CUX1: variants seen among roughly 807,000 people sequenced by gnomAD.
CUX1 encodes cut like homeobox 1.
Under a neutral mutation model 158.8 loss-of-function variants are expected in CUX1, and 31 were observed. The ratio of observed to expected loss-of-function variants is 0.20; its 90% CI spans 0.15 to 0.26. CUX1 has a LOEUF of 0.26. Among genes scored for constraint, CUX1 ranks in the 10% least tolerant of loss-of-function variants. CUX1 has a pLI of 1.00. For synonymous variants in CUX1, 879 were observed against 862.1 expected (o/e 1.02, Z -0.34); for missense variants, 1,589 against 2,014.6 (o/e 0.79, Z 4.04).
exon 18 of CUX1, chr7:102,277,998 A>G (rs1554548130): frequency 6.5e-7 from 1 of 1,534,624 alleles, no homozygotes; most frequent in South Asian, 1.1e-5. Context: ...AGTGAGCTGG[A>G]CAGCCTGCGC....
intron 3 of CUX1, among the ~76,000 whole-genome samples, chr7:102,035,876 A>T (rs1409130536): frequency 6.6e-6 from 1 of 151,622 alleles, no homozygotes; most frequent in African/African-American, 2.4e-5. Flanking sequence ...TCCCAACAAA[A>T]TTTTTTTTGT....
At chr7:102,065,876 C>T (rs971050465) in intron 3 of CUX1, among the ~76,000 whole-genome samples, 1 of 110,638 alleles carries the variant, frequency 9.0e-6, no homozygotes. Flanking sequence ...CTGCAACCTC[C>T]GCCTCCTGGG....
chr7:102,172,871 G>A (rs1244399220), intron 10 of CUX1, among the ~76,000 whole-genome samples: 1 of 152,186 alleles, frequency 6.6e-6, no homozygotes, highest in African/African-American at 2.4e-5. Flanking sequence ...AGACCGGCCA[G>A]GGCAAAATAT....
At position 102,248,516 on chromosome 7, in the gene CUX1, C is replaced by T; in HGVS notation, c.3992C>T (p.Pro1331Leu). 6.5e-7 allele frequency: 1 copy of T among 1,544,174 alleles called. No individual in the cohort carries two copies. Among genetic ancestry groups the T allele is most frequent in the South Asian group, 1.2e-5 (1 of 85,338 alleles). The change falls in exon 24 of 24, where the codon CCC becomes CTC. Residue 1331 changes from proline (P) to leucine (L), a missense_variant. Physicochemically the swap from Pro to Leu is moderately conservative, Grantham distance 98. Transcript: ENST00000292535. The surrounding 1 kb of genome is among the most constrained non-coding windows in gnomAD (Gnocchi z 5.8). ...TCGGCCCGCAGCGGCCGGGCGGCGC[C>T]CAGCTCGGAGGGCGACAGCTGCGAC... ...SPSARSGRAA[P>L]SSEGDSCDGV... is the part of the protein sequence containing the mutation.
At chr7:101,948,928 T>C (rs1218087355) in intron 2 of CUX1, among the ~76,000 whole-genome samples, 3 of 152,236 alleles carry the variant, frequency 2.0e-5, no homozygotes, top group Non-Finnish European at 2.9e-5. Context: ...CCCAGGACCC[T>C]GCCCATCACT....
At chr7:101,947,691 G>C (rs1808565879) in intron 2 of CUX1, among the ~76,000 whole-genome samples, 1 of 152,186 alleles carries the variant, frequency 6.6e-6, no homozygotes, top group Admixed American at 6.5e-5. Context: ...TGTGGAGAGA[G>C]CTAATTTGGA....
chr7:101,975,521 AC>A (rs2129202667), intron 2 of CUX1, among the ~76,000 whole-genome samples: 1 of 152,076 alleles, frequency 6.6e-6, no homozygotes, highest in Admixed American at 6.6e-5. Context: ...TGTGTCATGT[AC>A]TCCAACCTGG....
intron 1 of CUX1, among the ~76,000 whole-genome samples, chr7:101,847,761 G>T (rs1342695499): frequency 6.6e-6 from 1 of 151,862 alleles, no homozygotes; most frequent in African/African-American, 2.4e-5. Context: ...GGTGTTGGCA[G>T]CTCACCCATA....
At chr7:102,278,469 G>T (rs1273278218) in intron 18 of CUX1, among the ~76,000 whole-genome samples, 11 of 152,004 alleles carry the variant, frequency 7.2e-5, no homozygotes, top group Admixed American at 7.2e-4. Flanking sequence ...GTGCACACCT[G>T]TAGTCCCAGC....
At chr7:102,111,849 C>G in intron 7 of CUX1, 75 bp downstream of exon 7, 2 of 1,339,666 alleles carry the variant, frequency 1.5e-6, no homozygotes, top group South Asian at 1.2e-5. Flanking sequence ...CCCTGACCGC[C>G]CCGGTCCCCG....
intron 8 of CUX1, among the ~76,000 whole-genome samples, chr7:102,137,907 C>T (rs1268696274): frequency 1.1e-4 from 16 of 151,968 alleles, no homozygotes; most frequent in African/African-American, 3.9e-4. Flanking sequence ...TCTAGTTGGC[C>T]AAGCACACTG....
exon 23 of CUX1, chr7:102,283,158 A>C: frequency 7.9e-7 from 1 of 1,265,776 alleles, no homozygotes; most frequent in Non-Finnish European, 1.2e-6. Flanking sequence ...GCATCTAATC[A>C]CTTAGACTCC....
chr7:102,172,694 A>G (rs1791864803), intron 10 of CUX1, among the ~76,000 whole-genome samples: 1 of 152,226 alleles, frequency 6.6e-6, no homozygotes, highest in South Asian at 2.1e-4. Flanking sequence ...TTCCCCAGGA[A>G]TGAATCTAGA....
intron 1 of CUX1, among the ~76,000 whole-genome samples, chr7:101,901,857 T>C (rs950539065): frequency 6.6e-6 from 1 of 152,250 alleles, no homozygotes; most frequent in Non-Finnish European, 1.5e-5. Flanking sequence ...CCAGAATGGC[T>C]GGTGCCCTAA....
chr7:102,207,999 G>A (rs1185003848), intron 20 of CUX1, among the ~76,000 whole-genome samples: 2 of 151,940 alleles, frequency 1.3e-5, no homozygotes, highest in Non-Finnish European at 2.9e-5. Flanking sequence ...ACCAGCCTGG[G>A]CAACATGGTG....
At chr7:101,835,256 G>A (rs144104162) in intron 1 of CUX1, among the ~76,000 whole-genome samples, 4 of 152,154 alleles carry the variant, frequency 2.6e-5, no homozygotes, top group South Asian at 2.1e-4. Flanking sequence ...CGTGACCTTC[G>A]TGCTGTGGCT....
At chr7:101,979,816 A>G (rs1813192909) in intron 2 of CUX1, among the ~76,000 whole-genome samples, 1 of 152,050 alleles carries the variant, frequency 6.6e-6, no homozygotes, top group Non-Finnish European at 1.5e-5. Context: ...TGCCCAGCTA[A>G]TTTTTGTATT....
At chr7:102,083,204 A>G (rs1554479377) in intron 4 of CUX1, among the ~76,000 whole-genome samples, 1 of 147,342 alleles carries the variant, frequency 6.8e-6, no homozygotes, top group Non-Finnish European at 1.5e-5. Context: ...AATGTATTTC[A>G]CAACGATTTT....
At chr7:101,925,235 A>G (rs188520047) in intron 2 of CUX1, among the ~76,000 whole-genome samples, 220 of 152,210 alleles carry the variant, frequency 1.4e-3, no homozygotes, top group African/African-American at 5.0e-3. Flanking sequence ...CAGCCTCCCA[A>G]ATAGCTGGGA....
Sources: allele counts gnomAD v4.1 joint callset (sites outside exome capture counted in the v4.1 genomes callset), GRCh38; gene constraint gnomAD v4.1.1; non-coding constraint Gnocchi (gnomAD v3.1); transcripts MANE v1.5; gene names NCBI Gene and HGNC (gene_info 2026-07-23, HGNC 2026-07-21).